NPSR1: variants seen among roughly 807,000 people sequenced by gnomAD.
The protein encoded by NPSR1 is neuropeptide S receptor 1.
A neutral mutation model predicts 46.9 loss-of-function variants in NPSR1; 48 were observed. The observed-to-expected ratio is 1.02, with a 90% CI of 0.81 to 1.30. NPSR1 has a LOEUF of 1.30. Among genes scored for constraint, NPSR1 ranks in the 50% most tolerant of loss-of-function variants. The pLI is 0.00. For synonymous variants in NPSR1, 176 were observed against 168.1 expected, an observed-to-expected ratio of 1.05 and a Z score of -0.36; for missense variants, 450 against 449.5, an observed-to-expected ratio of 1.00 and a Z score of -0.01.
intron 2 of NPSR1, among the ~76,000 whole-genome samples, chr7:34,750,026 C>G (rs1343504460): frequency 1.3e-5 from 2 of 151,290 alleles, no homozygotes; most frequent in Non-Finnish European, 2.9e-5. Context: ...CATTAGAAAA[C>G]AAGGAGACTG....
At chr7:34,690,043 C>T (rs1038332728) in intron 2 of NPSR1, among the ~76,000 whole-genome samples, 14 of 152,056 alleles carry the variant, frequency 9.2e-5, no homozygotes, top group African/African-American at 3.4e-4. Context: ...ACCTCTGCCA[C>T]CCAGCCTTAT....
chr7:34,701,032 T>G (rs1793802285), intron 2 of NPSR1, among the ~76,000 whole-genome samples: 1 of 152,226 alleles, frequency 6.6e-6, no homozygotes, highest in Admixed American at 6.5e-5. Flanking sequence ...GTTTTGCTCT[T>G]TTATTCAGGA....
chr7:34,665,428 G>A (rs750193542), intron 1 of NPSR1, among the ~76,000 whole-genome samples: 1 of 152,152 alleles, frequency 6.6e-6, no homozygotes, highest in Admixed American at 6.5e-5. Context: ...AGGGTATAAT[G>A]CATGGCTTTA....
At chr7:34,837,245 A>G (rs1790408218) in intron 6 of NPSR1, among the ~76,000 whole-genome samples, 1 of 152,246 alleles carries the variant, frequency 6.6e-6, no homozygotes, top group Non-Finnish European at 1.5e-5. Context: ...GTAAACAGCC[A>G]ATATTATCCT....
intron 1 of NPSR1, among the ~76,000 whole-genome samples, chr7:34,664,366 T>C (rs1387299013): frequency 1.3e-5 from 2 of 152,200 alleles, no homozygotes; most frequent in East Asian, 3.9e-4. Flanking sequence ...AGAATGCTTG[T>C]ATAGCCTTAA....
intron 2 of NPSR1, among the ~76,000 whole-genome samples, chr7:34,689,100 T>C (rs1793088681): frequency 6.6e-6 from 1 of 152,154 alleles, no homozygotes; most frequent in South Asian, 2.1e-4. Context: ...GTAGGAGAGC[T>C]TGCTTAGTCT....
chr7:34,821,337 C>A (rs543617883), intron 4 of NPSR1, among the ~76,000 whole-genome samples: 14 of 151,894 alleles, frequency 9.2e-5, no homozygotes, highest in Non-Finnish European at 1.9e-4. Flanking sequence ...ACCGTGTTGG[C>A]CAGGCTGGTC....
rs576525920 is a variant in NPSR1 at position 34,789,784 on chromosome 7, G to A, written c.384+11219G>A. Among the ~76,000 whole-genome samples the A allele has an allele frequency of 2.1e-5, 3 of 144,404 alleles. No individual in the cohort carries two copies. The East Asian group carries it at 5.9e-4, about 29-fold the overall frequency. 94.7% of individuals were successfully genotyped at this position (144,404 alleles called of 152,430 possible). A position where few individuals can be genotyped will look rare whatever the true frequency, so the allele number is the denominator to read the frequency against. On this transcript the variant is annotated intron_variant, in intron 3 of 8. Coordinates refer to ENST00000360581, the MANE Select transcript of NPSR1 (RefSeq NM_207172.2). ...AAAAAATAGATAACCTAGAGGAAAT[G>A]GATAAGTTCCTAGATACACAAAAAC...
chr7:34,817,955 A>C (rs1452372854), intron 4 of NPSR1, among the ~76,000 whole-genome samples: 1 of 152,238 alleles, frequency 6.6e-6, no homozygotes, highest in Non-Finnish European at 1.5e-5. Flanking sequence ...ACTCACATCC[A>C]ATATCATACT....
chr7:34,877,438 C>A (rs927494623), intron 8 of NPSR1, among the ~76,000 whole-genome samples: 1 of 152,158 alleles, frequency 6.6e-6, no homozygotes, highest in Non-Finnish European at 1.5e-5. Context: ...CAGCCAGGCC[C>A]CAGATGTTGG....
intron 8 of NPSR1, among the ~76,000 whole-genome samples, chr7:34,876,644 T>C (rs1215764191): frequency 6.6e-6 from 1 of 152,262 alleles, no homozygotes; most frequent in East Asian, 1.9e-4. Flanking sequence ...TGTATTTAAG[T>C]GGGGACTTCA....
At chr7:34,790,948 A>ATGTTATATGTTATATTATATATGT (rs1787773687) in intron 3 of NPSR1, among the ~76,000 whole-genome samples, 1 of 90,510 alleles carries the variant, frequency 1.1e-5, no homozygotes, top group South Asian at 3.1e-4. Flanking sequence ...TATATATCAT[A>ATGTTATATGTTATATTATATATGT]TATGTTATAT....
intron 2 of NPSR1, among the ~76,000 whole-genome samples, chr7:34,743,766 T>A (rs73325832): frequency 2.0e-5 from 3 of 152,144 alleles, no homozygotes; most frequent in African/African-American, 7.2e-5. Flanking sequence ...GATTTCTTTT[T>A]GGGCAACTGT....
chr7:34,748,839 G>A (rs937504675), intron 2 of NPSR1, among the ~76,000 whole-genome samples: 1 of 151,968 alleles, frequency 6.6e-6, no homozygotes, highest in African/African-American at 2.4e-5. Flanking sequence ...AGACACTTAT[G>A]TCTGGGAGGC....
chr7:34,719,577 G>A (rs370461136), intron 2 of NPSR1: 4 of 152,142 alleles, frequency 2.6e-5, no homozygotes, highest in East Asian at 3.9e-4. Flanking sequence ...AACATTATGG[G>A]AAATAAGAAA....
intron 8 of NPSR1, among the ~76,000 whole-genome samples, chr7:34,868,906 G>A (rs771324242): frequency 2.0e-5 from 3 of 151,722 alleles, no homozygotes; most frequent in South Asian, 2.1e-4. Context: ...GGTGGCCCGG[G>A]GCAACAAACT....
At chr7:34,682,462 C>A (rs956528780) in intron 1 of NPSR1, among the ~76,000 whole-genome samples, 1 of 152,174 alleles carries the variant, frequency 6.6e-6, no homozygotes, top group Non-Finnish European at 1.5e-5. Flanking sequence ...TCAACTGTTT[C>A]ATCTGTCAGC....
intron 2 of NPSR1, among the ~76,000 whole-genome samples, chr7:34,733,046 A>C (rs902990746): frequency 6.6e-6 from 1 of 152,258 alleles, no homozygotes; most frequent in African/African-American, 2.4e-5. Flanking sequence ...CCAATTCAAA[A>C]ATTGCTCATC....
At chr7:34,819,872 G>A (rs973686066) in intron 4 of NPSR1, among the ~76,000 whole-genome samples, 2 of 152,136 alleles carry the variant, frequency 1.3e-5, no homozygotes, top group Admixed American at 6.5e-5. Context: ...ACTGAACAAC[G>A]AAAACACTTG....
Sources: allele counts gnomAD v4.1 joint callset (sites outside exome capture counted in the v4.1 genomes callset), GRCh38; gene constraint gnomAD v4.1.1; transcripts MANE v1.5; gene names NCBI Gene and HGNC (gene_info 2026-07-23, HGNC 2026-07-21).